Variants in LATS2 observed in about 807,000 individuals in gnomAD.
LATS2 encodes the protein serine/threonine-protein kinase LATS2.
In LATS2, 24 loss-of-function variants were observed where a neutral mutation model predicts 76.0. The ratio of observed to expected loss-of-function variants is 0.32; its 90% confidence interval spans 0.23 to 0.44. LATS2 has a LOEUF of 0.44. Ranked by LOEUF, LATS2 falls within the 20% of genes least tolerant of loss-of-function variation. The pLI, the probability that LATS2 is intolerant of heterozygous loss-of-function variation, is 1.00. For missense variants in LATS2, 1,286 were observed against 1,481.2 expected, an observed-to-expected ratio of 0.87 and a Z score of 2.16; for synonymous variants, 692 against 635.4, an observed-to-expected ratio of 1.09 and a Z score of -1.34.
intron 2 of LATS2, among the ~76,000 whole-genome samples, chr13:21,034,792 C>T (rs528423373): frequency 2.0e-5 from 3 of 152,198 alleles, no homozygotes; most frequent in Middle Eastern, 3.4e-3. Flanking sequence ...AATTTCCTGC[C>T]GTTTCCCACA....
chr13:20,976,656 A>G (rs1053968511), intron 7 of LATS2, among the ~76,000 whole-genome samples: 1 of 152,218 alleles, frequency 6.6e-6, no homozygotes, highest in African/African-American at 2.4e-5. Context: ...ATTTCCAAAG[A>G]TATACAAATG....
At chr13:21,027,173 T>C (rs1332635500) in intron 2 of LATS2, among the ~76,000 whole-genome samples, 1 of 152,244 alleles carries the variant, frequency 6.6e-6, no homozygotes, top group East Asian at 1.9e-4. Context: ...TTGAGTTTTG[T>C]TGTTTTAATG....
At chr13:21,058,941 GAAA>G (rs61016650) in intron 1 of LATS2, among the ~76,000 whole-genome samples, 60 of 136,718 alleles carry the variant, frequency 4.4e-4, no homozygotes, top group Non-Finnish European at 8.5e-4. Context: ...GGTTGTTACA[GAAA>G]AAAAAAAAAC....
intron 2 of LATS2, among the ~76,000 whole-genome samples, chr13:21,030,423 A>G (rs189472812): frequency 1.3e-5 from 2 of 152,036 alleles, no homozygotes; most frequent in Non-Finnish European, 1.5e-5. Context: ...CCCCGTCTCT[A>G]CTAAAAATGC....
chr13:20,998,576 A>T (rs1870869126), intron 2 of LATS2, among the ~76,000 whole-genome samples: 1 of 152,130 alleles, frequency 6.6e-6, no homozygotes, highest in Non-Finnish European at 1.5e-5. Flanking sequence ...GAGGAGCTGG[A>T]ATTTCCAAAG....
At chr13:20,977,910 T>C (rs1869698186) in intron 7 of LATS2, among the ~76,000 whole-genome samples, 1 of 152,114 alleles carries the variant, frequency 6.6e-6, no homozygotes, top group Non-Finnish European at 1.5e-5. Flanking sequence ...TTAGGGTTTT[T>C]CGATTTCTCT....
Position 20,988,079 on chromosome 13 carries a change from T to G in LATS2, c.1701A>C (p.Gly567=), listed in dbSNP as rs138850390. Residue 567 remains glycine (G), a synonymous_variant, in exon 4 of 8, where the codon GGA becomes GGC. Coordinates refer to ENST00000382592, the MANE Select transcript of LATS2 (RefSeq NM_014572.3). ...AGGTCTGAATCTGCTTTTTATCCTT[T>G]CCGCCTTTGTCCCCCTTGGCGCTTT... The part of the protein sequence containing the change: ...SRKSAKGDKG[G]KDKKQIQTSP... 2.0e-3 allele frequency: 3,283 copies of G among 1,614,270 alleles called. 7 individuals carry two copies. Among genetic ancestry groups the G allele is most frequent in the Non-Finnish European group, 2.5e-3 (2,919 of 1,180,046 alleles).
rs762240840 is a variant in LATS2 at position 20,989,206 on chromosome 13, C to T, written c.574G>A (p.Glu192Lys). The T allele has an allele frequency of 3.1e-6, 5 of 1,613,762 alleles. No homozygotes were observed. Among genetic ancestry groups the T allele is most frequent in the East Asian group, 2.2e-5 (1 of 44,878 alleles). The part of the protein sequence containing the change: ...SYHQLSGTPY[E>K]GPSFGADGPT... ...CCGTCAGCGCCGAAGCTTGGGCCCT[C>T]GTAGGGGGTACCGCTCAGCTGGTGG... The change falls in exon 4 of 8, where the codon GAG (glutamate) becomes AAG (lysine). Residue 192 changes from glutamate to lysine, a missense_variant. Around this residue, in one of 5 missense-constraint regions of LATS2, gnomAD observed 710 missense variants for 660.9 expected, o/e 1.07. Transcript: ENST00000382592.
At chr13:21,059,135 ATTTG>A (rs1282754963) in intron 1 of LATS2, among the ~76,000 whole-genome samples, 3 of 152,188 alleles carry the variant, frequency 2.0e-5, no homozygotes, top group Non-Finnish European at 4.4e-5. Context: ...ATTTCAGTAT[ATTTG>A]TTTCTTATTA....
intron 2 of LATS2, among the ~76,000 whole-genome samples, chr13:21,015,881 T>TAGAC (rs1394281815): frequency 1.3e-5 from 2 of 151,764 alleles, no homozygotes; most frequent in Non-Finnish European, 2.9e-5. Flanking sequence ...TGTATTTTTG[T>TAGAC]AGACATGGGG....
chr13:20,974,311 G>A lies in LATS2; in HGVS notation c.*559C>T, dbSNP rs905700727. On this transcript the variant is annotated 3_prime_UTR_variant, in exon 8 of 8. Transcript: ENST00000382592. ...CTAGATATGCAAAAAGCCAAAAAAA[G>A]CAGCTTTTAACATTATATCATTATA... The A allele has an allele frequency of 4.5e-6, 1 of 223,712 alleles. No individual in the cohort carries two copies. Among genetic ancestry groups the A allele is most frequent in the Non-Finnish European group, 8.9e-6 (1 of 112,672 alleles). 13.9% of individuals were successfully genotyped at this position (223,712 alleles called of 1,614,324 possible).
At chr13:21,004,174 C>G (rs1004669558) in intron 2 of LATS2, among the ~76,000 whole-genome samples, 2 of 152,168 alleles carry the variant, frequency 1.3e-5, no homozygotes, top group Admixed American at 6.5e-5. Flanking sequence ...GTGGCTCACG[C>G]CTCACCAACC....
intron 2 of LATS2, among the ~76,000 whole-genome samples, chr13:20,998,739 T>TGCGGGGCGAG (rs1565949094): frequency 2.2e-5 from 3 of 138,282 alleles, no homozygotes; most frequent in Admixed American, 8.0e-5. Context: ...GCCTTGTCAA[T>TGCGGGGCGAG]GCGGGGCGAG....
At position 20,987,938 on chromosome 13, in the gene LATS2, G is replaced by T. The variant is rs148683497; in HGVS notation, c.1842C>A (p.Ile614=). 2 of 1,614,234 alleles carry T rather than the reference G, an allele frequency of 1.2e-6. No individual in the cohort carries two copies. Among genetic ancestry groups the T allele is most frequent in the African/African-American group, 1.3e-5 (1 of 75,072 alleles). Residue 614 remains isoleucine, a synonymous_variant, in exon 4 of 8, where the codon ATC becomes ATA. Coordinates refer to ENST00000382592, the MANE Select transcript of LATS2 (RefSeq NM_014572.3). ...GGTTAACCTTCTGCTGGTAGGTTTT[G>T]ATGACATTCTCCACGTGCTGCTCCA... ...FFMEQHVENV[I]KTYQQKVNRR...
chr13:21,000,380 T>TC (rs1196660749), intron 2 of LATS2, among the ~76,000 whole-genome samples: 9 of 150,432 alleles, frequency 6.0e-5, no homozygotes, highest in African/African-American at 2.2e-4. Flanking sequence ...GACTCTGTCA[T>TC]AATAATAATA....
Position 20,973,946 on chromosome 13 carries a change from T to A in LATS2, c.*924A>T, listed in dbSNP as rs1193101454. On this transcript the variant is annotated 3_prime_UTR_variant, in exon 8 of 8. Transcript: ENST00000382592. ...ATTAATCCCTTTTGATGTATATAAG[T>A]TCAGTATATGACAAATGTTTCAGTT... 1 of 214,688 alleles carries A rather than the reference T, an allele frequency of 4.7e-6. No individual in the cohort carries two copies. The highest frequency in any genetic ancestry group is 9.2e-6 in the Non-Finnish European group (1 of 108,162). The allele number at this position is 214,688 out of a possible 1,614,324, so 13.3% of individuals were successfully genotyped here.
At chr13:21,033,761 T>C (rs1245046886) in intron 2 of LATS2, among the ~76,000 whole-genome samples, 1 of 151,114 alleles carries the variant, frequency 6.6e-6, no homozygotes, top group African/African-American at 2.4e-5. Context: ...CAAATGAAGT[T>C]GCTTCCAATT....
intron 2 of LATS2, among the ~76,000 whole-genome samples, chr13:21,018,332 G>A (rs973990213): frequency 6.6e-6 from 1 of 152,230 alleles, no homozygotes; most frequent in African/African-American, 2.4e-5. Context: ...GTTGGGCGAG[G>A]TATGTGGCAA....
At position 20,983,748 on chromosome 13, in the gene LATS2, G is replaced by A; in HGVS notation, c.1958C>T (p.Ser653Phe). 1 of 1,614,042 alleles carries A rather than the reference G, an allele frequency of 6.2e-7. No homozygotes were observed. Among genetic ancestry groups the A allele is most frequent in the South Asian group, 1.1e-5 (1 of 91,078 alleles). The change falls in exon 5 of 8, where the codon TCT becomes TTT. Residue 653 changes from serine to phenylalanine, a missense_variant. Ser to Phe is a radical substitution (Grantham distance 155). Transcript: ENST00000382592. Reference protein sequence around the residue: ...QMRKILYQKESNYNRLKRAKM... With the variant: ...QMRKILYQKEFNYNRLKRAKM... ...GGCCCTCTTTAACCTGTTGTAATTA[G>A]ACTCTTTCTGGTAGAGGATCTTCCG...
Sources: gnomAD v4.1 joint callset for allele counts (sites outside exome capture counted in the v4.1 genomes callset) on GRCh38, gnomAD v4.1.1 for gene constraint, gnomAD v4.1.1 regional missense constraint, MANE v1.5 for transcripts, NCBI Gene and HGNC (gene_info 2026-07-23, HGNC 2026-07-21) for gene names.